MYO3A: variants seen among roughly 807,000 people sequenced by gnomAD.
The protein encoded by MYO3A is myosin IIIA.
A neutral mutation model predicts 192.7 loss-of-function variants in MYO3A; 180 were observed. The observed-to-expected ratio is 0.93, with a 90% CI of 0.83 to 1.06. MYO3A has a LOEUF of 1.06. Ranked by LOEUF, MYO3A falls within the 50% of genes least tolerant of loss-of-function variation. MYO3A has a pLI of 0.00. For missense variants in MYO3A, 1,896 were observed against 1,905.0 expected (o/e 1.00, Z 0.09); for synonymous variants, 628 against 645.3 (o/e 0.97, Z 0.41).
chr10:26,087,750 A>T (rs1478525965), intron 14 of MYO3A, among the ~76,000 whole-genome samples: 3 of 152,176 alleles, frequency 2.0e-5, no homozygotes, highest in Non-Finnish European at 4.4e-5. Flanking sequence ...AGTTTTCACA[A>T]TTATTCCCTT....
chr10:25,934,704 A>G (rs1835930371), intron 1 of MYO3A, among the ~76,000 whole-genome samples: 2 of 136,456 alleles, frequency 1.5e-5, no homozygotes, highest in African/African-American at 5.7e-5. Flanking sequence ...GGTGAACCTG[A>G]GGGGTGGACT....
intron 33 of MYO3A, among the ~76,000 whole-genome samples, chr10:26,202,180 T>C (rs996160849): frequency 1.3e-5 from 2 of 152,250 alleles, no homozygotes; most frequent in Admixed American, 1.3e-4. Flanking sequence ...CAGTGAGTGC[T>C]AAGAACAAAC....
chr10:26,148,033 G>A (rs1163979245), intron 23 of MYO3A, among the ~76,000 whole-genome samples: 5 of 152,100 alleles, frequency 3.3e-5, no homozygotes, highest in Non-Finnish European at 4.4e-5. Flanking sequence ...GTTTAAAATT[G>A]TTCTCTGCAT....
chr10:26,096,335 G>A, intron 15 of MYO3A, 46 bp from the exon 16 acceptor site: 1 of 1,362,644 alleles, frequency 7.3e-7, no homozygotes, highest in Non-Finnish European at 1.0e-6. Flanking sequence ...ACTTAAGCAA[G>A]AAATGTTCTT....
At chr10:25,963,129 A>C (rs1162805514) in intron 4 of MYO3A, among the ~76,000 whole-genome samples, 1 of 152,186 alleles carries the variant, frequency 6.6e-6, no homozygotes, top group African/African-American at 2.4e-5. Context: ...TAATAGTGAC[A>C]TTGCTTTTTC....
intron 6 of MYO3A, among the ~76,000 whole-genome samples, chr10:25,998,394 G>A (rs760030415): frequency 4.6e-5 from 7 of 152,192 alleles, no homozygotes; most frequent in Non-Finnish European, 1.0e-4. Context: ...ACATGCATGT[G>A]CCTATGCTTT....
intron 26 of MYO3A, among the ~76,000 whole-genome samples, chr10:26,158,173 C>T (rs1841259720): frequency 6.6e-6 from 1 of 152,048 alleles, no homozygotes; most frequent in Non-Finnish European, 1.5e-5. Context: ...GAAGATGAAA[C>T]AATTAGGTTT....
At chr10:26,080,267 A>AC (rs1835836093) in intron 14 of MYO3A, among the ~76,000 whole-genome samples, 2 of 151,992 alleles carry the variant, frequency 1.3e-5, no homozygotes, top group African/African-American at 4.8e-5. Flanking sequence ...TAATTTGAAG[A>AC]CCTTGTCTTC....
At chr10:25,974,846 T>C (rs1192157901) in intron 4 of MYO3A, among the ~76,000 whole-genome samples, 1 of 152,188 alleles carries the variant, frequency 6.6e-6, no homozygotes, top group Non-Finnish European at 1.5e-5. Flanking sequence ...CTAGAAAATA[T>C]TTAAGAAAGA....
At chr10:26,033,961 G>A (rs1842916245) in intron 10 of MYO3A, among the ~76,000 whole-genome samples, 1 of 152,154 alleles carries the variant, frequency 6.6e-6, no homozygotes, top group African/African-American at 2.4e-5. Context: ...TAGGTTTGGA[G>A]AGGTATACAG....
chr10:25,997,283 G>C (rs1554798651), intron 6 of MYO3A, 25 bp downstream of exon 6: 2 of 1,461,704 alleles, frequency 1.4e-6, no homozygotes, highest in Non-Finnish European at 1.9e-6. Flanking sequence ...AAATGCATGA[G>C]TTTTAACTCC....
intron 4 of MYO3A, among the ~76,000 whole-genome samples, chr10:25,994,419 G>T (rs547691012): frequency 2.6e-5 from 4 of 152,306 alleles, no homozygotes; most frequent in South Asian, 4.1e-4. Flanking sequence ...CTGCACATGA[G>T]ATGGGTCTCC....
Position 26,176,509 on chromosome 10 carries a change from AT to A in MYO3A, c.4294-190del, listed in dbSNP as rs1439976201. 3.3e-5 allele frequency among the ~76,000 whole-genome samples: 5 copies of A among 152,314 alleles called. No individual in the cohort carries two copies. In the East Asian group the frequency reaches 9.6e-4, roughly 29 times the overall value. On this transcript the variant is annotated intron_variant, in intron 30 of 34. Transcript: ENST00000642920. ...TAAAGAAAAATGTGAGATGGCAAGT[AT>A]TCAGAGCACAAGGGGGGAAGGTTGT... is the stretch of plus-strand genomic sequence containing the variant.
At position 26,033,871 on chromosome 10, in the gene MYO3A, T is replaced by TGA. The variant is rs573407238; in HGVS notation, c.953+7341_953+7342dup. On this transcript the variant is annotated intron_variant, in intron 10 of 34. Transcript: ENST00000642920. ...GAACGTTATAGCAGGAGAAACAGCC[T>TGA]GAGCAAAATCATAAAATCAAGGAGA... Among the ~76,000 whole-genome samples the TGA allele has an allele frequency of 2.0e-3, 297 of 152,256 alleles. 2 individuals carry two copies. Among genetic ancestry groups the TGA allele is most frequent in the Non-Finnish European group, 4.1e-4 (28 of 68,012 alleles).
chr10:26,039,004 G>C (rs979608482), intron 10 of MYO3A, among the ~76,000 whole-genome samples: 2 of 151,192 alleles, frequency 1.3e-5, no homozygotes, highest in African/African-American at 2.4e-5. Flanking sequence ...AATCCCACTT[G>C]GTCATAATGA....
At chr10:26,071,155 G>C (rs1282673479) in intron 14 of MYO3A, among the ~76,000 whole-genome samples, 1 of 152,056 alleles carries the variant, frequency 6.6e-6, no homozygotes, top group Non-Finnish European at 1.5e-5. Flanking sequence ...CAGACTTGCT[G>C]TAAAGCTGCA....
chr10:25,944,371 G>C (rs1023662058), intron 2 of MYO3A, among the ~76,000 whole-genome samples: 13 of 151,970 alleles, frequency 8.6e-5, no homozygotes, highest in African/African-American at 3.1e-4. Context: ...CTCTTGTAGT[G>C]CCATTGTCTG....
intron 3 of MYO3A, among the ~76,000 whole-genome samples, chr10:25,952,589 G>A (rs1837279789): frequency 6.6e-6 from 1 of 152,054 alleles, no homozygotes; most frequent in Admixed American, 6.6e-5. Flanking sequence ...TACAAACTCA[G>A]GGGTCTAGAA....
At chr10:25,945,626 A>G (rs1249219022) in intron 2 of MYO3A, among the ~76,000 whole-genome samples, 1 of 152,020 alleles carries the variant, frequency 6.6e-6, no homozygotes, top group East Asian at 1.9e-4. Context: ...TGTCTCTTGT[A>G]AAAGTTTATG....
Sources: allele counts gnomAD v4.1 joint callset (sites outside exome capture counted in the v4.1 genomes callset), GRCh38; gene constraint gnomAD v4.1.1; transcripts MANE v1.5; gene names NCBI Gene and HGNC (gene_info 2026-07-23, HGNC 2026-07-21).